Variants in HSF2 observed in about 807,000 individuals in gnomAD.
The protein encoded by HSF2 is heat shock transcription factor 2, also known as heat shock factor protein 2.
In HSF2, 21 loss-of-function variants were observed where a neutral mutation model predicts 65.0. The observed-to-expected ratio is 0.32, with a 90% CI of 0.23 to 0.47. The LOEUF (loss-of-function observed/expected upper bound fraction) is 0.47, where lower values mean the gene tolerates loss of function less well. Ranked by LOEUF, HSF2 falls within the 20% of genes least tolerant of loss-of-function variation. The pLI is 1.00. For missense variants in HSF2, 499 were observed against 628.1 expected (o/e 0.79, Z 2.20); for synonymous variants, 225 against 219.1 (o/e 1.03, Z -0.24).
In HSF2 at chr6:122,399,652, G is replaced by T; in HGVS notation, c.-86G>T. 1.0e-6 allele frequency: 1 copy of T among 991,764 alleles called. No homozygotes were observed. The highest frequency in any genetic ancestry group is 1.5e-6 in the Non-Finnish European group (1 of 656,156). 61.4% of individuals were successfully genotyped at this position (991,764 alleles called of 1,614,324 possible). A position where few individuals can be genotyped will look rare whatever the true frequency, so the allele number is the denominator to read the frequency against. On this transcript the variant is annotated 5_prime_UTR_variant, in exon 1 of 13. Coordinates refer to ENST00000368455, the MANE Select transcript of HSF2 (RefSeq NM_004506.4). Reference sequence around the variant, plus strand: ...GATCTGCTGCGCCTGCGTTGTGGGCGTTCTCGGGGAGCTGCTGCCGTAGCT... The same window carrying T: ...GATCTGCTGCGCCTGCGTTGTGGGCTTTCTCGGGGAGCTGCTGCCGTAGCT...
chr6:122,413,490 T>G (rs1401028727), intron 3 of HSF2, 35 bp from the exon 4 acceptor site: 6 of 1,480,264 alleles, frequency 4.1e-6, no homozygotes, highest in Non-Finnish European at 5.6e-6. Flanking sequence ...GGGTGTTTAC[T>G]GTTTCTTTGA....
At chr6:122,411,665 C>T (rs1321814518) in intron 1 of HSF2, among the ~76,000 whole-genome samples, 2 of 151,886 alleles carry the variant, frequency 1.3e-5, no homozygotes, top group Non-Finnish European at 2.9e-5. Flanking sequence ...GTTTTCCCAG[C>T]ACCATTTGTT....
chr6:122,418,258 A>T (rs45520435), intron 5 of HSF2, among the ~76,000 whole-genome samples: 15 of 152,292 alleles, frequency 9.8e-5, no homozygotes, highest in African/African-American at 3.6e-4. Context: ...GAAGTTGGCA[A>T]TGTAATTTCA....
intron 1 of HSF2, among the ~76,000 whole-genome samples, chr6:122,400,225 G>A (rs1196619602): frequency 6.6e-6 from 1 of 152,138 alleles, no homozygotes; most frequent in Non-Finnish European, 1.5e-5. Context: ...AATCGCGGAG[G>A]GGACAGGGAG....
At chr6:122,417,531 C>T in intron 5 of HSF2, among the ~76,000 whole-genome samples, 1 of 152,076 alleles carries the variant, frequency 6.6e-6, no homozygotes, top group Non-Finnish European at 1.5e-5. Flanking sequence ...TTATATAATG[C>T]ATGACGACAA....
At chr6:122,426,760 G>A (rs920277176) in intron 10 of HSF2, among the ~76,000 whole-genome samples, 2 of 151,994 alleles carry the variant, frequency 1.3e-5, no homozygotes, top group African/African-American at 4.8e-5. Flanking sequence ...TCTATCCTGT[G>A]AACCATTTGG....
chr6:122,404,765 G>A (rs1263465927), intron 1 of HSF2, among the ~76,000 whole-genome samples: 1 of 152,078 alleles, frequency 6.6e-6, no homozygotes, highest in Non-Finnish European at 1.5e-5. Flanking sequence ...AACCTCACAG[G>A]TTTAAAAGAC....
chr6:122,412,493 C>T lies in HSF2; in HGVS notation c.202+12C>T, dbSNP rs779519832. On this transcript the variant is annotated intron_variant, in intron 2 of 12. Coordinates refer to ENST00000368455, the MANE Select transcript of HSF2 (RefSeq NM_004506.4). The stretch of plus-strand genomic sequence containing the variant: ...GCAACTGAATATGTGTGAGTATGGA[C>T]AGCAGTTTATTGGAGTACCATTATC... 1.3e-6 allele frequency: 2 copies of T among 1,562,678 alleles called. No individual in the cohort carries two copies. Among genetic ancestry groups the T allele is most frequent in the East Asian group, 2.2e-5 (1 of 44,600 alleles).
chr6:122,420,802 C>T (rs779495024), intron 7 of HSF2, among the ~76,000 whole-genome samples: 10 of 141,570 alleles, frequency 7.1e-5, no homozygotes, highest in Non-Finnish European at 1.4e-4. Context: ...GCCTCCACCT[C>T]CTGGGCCCAG....
At chr6:122,425,921 C>T (rs1472267447) in intron 10 of HSF2, among the ~76,000 whole-genome samples, 2 of 152,090 alleles carry the variant, frequency 1.3e-5, no homozygotes, top group Non-Finnish European at 2.9e-5. Flanking sequence ...CTTGATTTAA[C>T]AATAAACTTC....
In HSF2 at chr6:122,427,926, G is replaced by A. The variant is rs778926146; in HGVS notation, c.1200G>A (p.Met400Ile). The change falls in exon 11 of 13, where the codon ATG becomes ATA. Residue 400 changes from methionine to isoleucine, a missense_variant. This residue lies in a region of HSF2 where 349 missense variants were observed against 393.5 expected (regional missense o/e 0.89). Transcript: ENST00000368455. ...AGCTTTTCACTAGTTCTGTGCAGAT[G>A]AATCCCACAGATTACATCAATAATA... Reference protein sequence around the residue: ...LVDLFTSSVQMNPTDYINNTK... With the variant: ...LVDLFTSSVQINPTDYINNTK... The A allele has an allele frequency of 5.6e-6, 9 of 1,601,772 alleles. No homozygotes were observed. Among genetic ancestry groups the A allele is most frequent in the Non-Finnish European group, 7.7e-6 (9 of 1,170,934 alleles).
At chr6:122,422,091 T>C (rs1562204209) in intron 7 of HSF2, 59 bp from the exon 8 acceptor site, 12 of 1,200,586 alleles carry the variant, frequency 1.0e-5, no homozygotes, top group South Asian at 2.7e-5. Context: ...GTAGATGATA[T>C]CTTGTTTGGT....
At position 122,423,594 on chromosome 6, in the gene HSF2, G is replaced by A. The variant is rs1774282322; in HGVS notation, c.1084G>A (p.Asp362Asn). 1.3e-6 allele frequency: 2 copies of A among 1,599,948 alleles called. No homozygotes were observed. The highest frequency in any genetic ancestry group is 1.7e-6 in the Non-Finnish European group (2 of 1,172,432). Reference protein sequence around the residue: ...INLLGKVELLDYLDSIDCSLE... With the variant: ...INLLGKVELLNYLDSIDCSLE... ...TTTTTTCCTTAGGGTTGAGCTGTTG[G>A]ATTATCTTGACAGTATTGACTGCAG... Residue 362 changes from aspartate (D) to asparagine (N), a missense_variant, in exon 10 of 13, where the codon GAT becomes AAT. By Grantham distance (23) the Asp-to-Asn change is conservative (BLOSUM62 1). Around this residue, in one of 2 missense-constraint regions of HSF2, gnomAD observed 349 missense variants for 393.5 expected, o/e 0.89. Transcript: ENST00000368455.
Position 122,399,782 on chromosome 6 carries a change from G to T in HSF2, c.45G>T (p.Trp15Cys). 6.2e-7 allele frequency: 1 copy of T among 1,612,588 alleles called. No individual in the cohort carries two copies. Among genetic ancestry groups the T allele is most frequent in the South Asian group, 1.1e-5 (1 of 90,836 alleles). Residue 15 changes from tryptophan (W) to cysteine (C), a missense_variant, in exon 1 of 13, where the codon TGG becomes TGT. Coordinates refer to ENST00000368455, the MANE Select transcript of HSF2 (RefSeq NM_004506.4). ...TGCCGGCTTTCCTCAGCAAGCTGTGGACGCTTGTGGAGGAAACCCACACTA... is the reference window on the plus strand; with the variant it reads ...TGCCGGCTTTCCTCAGCAAGCTGTGTACGCTTGTGGAGGAAACCCACACTA... Reference protein sequence around the residue: ...SNVPAFLSKLWTLVEETHTNE... With the variant: ...SNVPAFLSKLCTLVEETHTNE...
chr6:122,421,446 G>C (rs1774233784), intron 7 of HSF2, among the ~76,000 whole-genome samples: 1 of 151,830 alleles, frequency 6.6e-6, no homozygotes, highest in African/African-American at 2.4e-5. Flanking sequence ...CATGTAAGTG[G>C]ATGAAGATTT....
At chr6:122,422,692 G>A in intron 8 of HSF2, 26 bp from the exon 9 acceptor site, 3 of 1,608,208 alleles carry the variant, frequency 1.9e-6, no homozygotes, top group Non-Finnish European at 1.7e-6. Context: ...AAATGTAATA[G>A]GTTCCTTCTT....
chr6:122,418,019 T>G (rs45449694), intron 5 of HSF2, among the ~76,000 whole-genome samples: 1,797 of 152,280 alleles, frequency 0.012, 40 homozygotes, highest in African/African-American at 0.042. Context: ...GGCAGACCAT[T>G]TAGTAGCCTT....
At chr6:122,400,219 G>A (rs1773695387) in intron 1 of HSF2, among the ~76,000 whole-genome samples, 1 of 152,148 alleles carries the variant, frequency 6.6e-6, no homozygotes. Context: ...GTTACAAATC[G>A]CGGAGGGGAC....
At chr6:122,427,823 C>T in intron 10 of HSF2, 80 bp from the exon 11 acceptor site, 1 of 955,318 alleles carries the variant, frequency 1.0e-6, no homozygotes, top group Non-Finnish European at 1.6e-6. Context: ...CTTCACCCAA[C>T]ATGGCTGTAT....
Sources: gnomAD v4.1 joint callset for allele counts (sites outside exome capture counted in the v4.1 genomes callset) on GRCh38, gnomAD v4.1.1 for gene constraint, gnomAD v4.1.1 regional missense constraint, MANE v1.5 for transcripts, NCBI Gene and HGNC (gene_info 2026-07-23, HGNC 2026-07-21) for gene names.